Variants in EWSR1 observed in about 807,000 individuals in gnomAD.
EWSR1 encodes EWS RNA binding protein 1.
A neutral mutation model predicts 92.1 loss-of-function variants in EWSR1; 14 were observed. The ratio of observed to expected loss-of-function variants is 0.15; its 90% CI spans 0.10 to 0.24. The LOEUF (loss-of-function observed/expected upper bound fraction) is 0.24. Among genes scored for constraint, EWSR1 ranks in the 10% least tolerant of loss-of-function variants. EWSR1 has a pLI of 1.00. For missense variants in EWSR1, 637 were observed against 870.9 expected (o/e 0.73, Z 3.38); for synonymous variants, 303 against 292.9 (o/e 1.03, Z -0.35).
At chr22:29,273,606 T>G (rs2058861382) in intron 3 of EWSR1, 135 bp from the exon 4 acceptor site, 1 of 958,598 alleles carries the variant, frequency 1.0e-6, no homozygotes, top group Non-Finnish European at 1.5e-6. Context: ...TGTCTTGTTT[T>G]GTTGTTTTTG....
intron 11 of EWSR1, chr22:29,295,570 A>G (rs867468183): frequency 1.8e-5 from 4 of 223,494 alleles, no homozygotes; most frequent in Admixed American, 5.7e-5. Context: ...AGGTATCAAT[A>G]TATATATCCT....
chr22:29,297,938 C>G lies in EWSR1; in HGVS notation c.1406C>G (p.Pro469Arg). Reference protein sequence around the residue: ...PPREGRGMPPPLRGGPGGPGG... With the variant: ...PPREGRGMPPRLRGGPGGPGG... ...CGTGAGGGCAGAGGCATGCCACCAC[C>G]ACTCCGTGGAGGTACTTTTTCTGAG... The change falls in exon 13 of 17, where the codon CCA (proline) becomes CGA (arginine). Residue 469 changes from proline (P) to arginine (R), a missense_variant. Physicochemically the swap from Pro to Arg is moderately radical, Grantham distance 103. This residue lies in a region of EWSR1 where 363 missense variants were observed against 447.8 expected (regional missense o/e 0.81). Coordinates refer to ENST00000397938, the MANE Select transcript of EWSR1 (RefSeq NM_005243.4). 6.2e-7 allele frequency: 1 copy of G among 1,613,494 alleles called. No individual in the cohort carries two copies. The highest frequency in any genetic ancestry group is 1.7e-5 in the Admixed American group (1 of 59,862).
At chr22:29,275,914 CTTTTGTTTTTT>C (rs777358638) in intron 4 of EWSR1, 4 of 221,360 alleles carry the variant, frequency 1.8e-5, no homozygotes, top group Non-Finnish European at 3.5e-5. Context: ...TGCCACTGGT[CTTTTGTTTTTT>C]TGTTTTTTTG....
chr22:29,290,356 A>G (rs997827184), intron 8 of EWSR1: 6 of 1,539,886 alleles, frequency 3.9e-6, no homozygotes, highest in Non-Finnish European at 5.3e-6. Context: ...TGATATTTTC[A>G]TTGGCTGTTA....
intron 1 of EWSR1, among the ~76,000 whole-genome samples, chr22:29,271,930 G>C (rs2058710372): frequency 1.3e-5 from 2 of 152,316 alleles, no homozygotes; most frequent in South Asian, 4.1e-4. Flanking sequence ...AATGACAGTT[G>C]GGATTGGGAT....
Position 29,297,923 on chromosome 22 carries a change from G to A in EWSR1, c.1391G>A (p.Arg464Lys). The change falls in exon 13 of 17, where the codon AGA becomes AAA. Residue 464 changes from arginine to lysine, a missense_variant. Around this residue, in one of 5 missense-constraint regions of EWSR1, gnomAD observed 363 missense variants for 447.8 expected, o/e 0.81. Coordinates refer to ENST00000397938, the MANE Select transcript of EWSR1 (RefSeq NM_005243.4). ...MRGGLPPREG[R>K]GMPPPLRGGP... ...GGTGGTCTGCCACCCCGTGAGGGCA[G>A]AGGCATGCCACCACCACTCCGTGGA... is the stretch of plus-strand genomic sequence containing the variant. 6.2e-7 allele frequency: 1 copy of A among 1,613,988 alleles called. No homozygotes were observed. Among genetic ancestry groups the A allele is most frequent in the Non-Finnish European group, 8.5e-7 (1 of 1,179,966 alleles).
intron 5 of EWSR1, among the ~76,000 whole-genome samples, chr22:29,280,871 T>TG (rs2059533255): frequency 3.2e-5 from 3 of 94,536 alleles, no homozygotes; most frequent in African/African-American, 7.8e-5. Context: ...TGTTTTTTTT[T>TG]TTTTTTTTTT....
intron 7 of EWSR1, among the ~76,000 whole-genome samples, chr22:29,287,935 GGGAGGCCAAGGCA>G (rs1198173409): frequency 6.6e-6 from 1 of 152,148 alleles, no homozygotes; most frequent in Non-Finnish European, 1.5e-5. Flanking sequence ...AGCACTTTGG[GGGAGGCCAAGGCA>G]GGAGGATCAC....
intron 12 of EWSR1, 143 bp downstream of exon 12, chr22:29,296,511 C>G: frequency 1.2e-6 from 1 of 825,756 alleles, no homozygotes. Context: ...GTAGTAGTAG[C>G]ACCCAGCCAT....
intron 12 of EWSR1, among the ~76,000 whole-genome samples, chr22:29,297,524 T>C (rs2060959068): frequency 6.6e-6 from 1 of 152,160 alleles, no homozygotes; most frequent in African/African-American, 2.4e-5. Context: ...AGACACTGCC[T>C]CTACAAACAA....
intron 1 of EWSR1, chr22:29,269,171 A>G (rs1035266322): frequency 6.6e-6 from 1 of 152,214 alleles, no homozygotes; most frequent in African/African-American, 2.4e-5. Flanking sequence ...ACGCTACCAG[A>G]AAGATATTTC....
intron 7 of EWSR1, 140 bp downstream of exon 7, chr22:29,287,274 T>TG (rs2060116822): frequency 1.2e-6 from 1 of 813,138 alleles, no homozygotes; most frequent in African/African-American, 1.7e-5. Flanking sequence ...AGTGGTGCCA[T>TG]CTCAGCTCAC....
chr22:29,278,264 G>A, intron 5 of EWSR1, 48 bp downstream of exon 5: 1 of 1,560,020 alleles, frequency 6.4e-7, no homozygotes, highest in Non-Finnish European at 8.7e-7. Flanking sequence ...TGGAGGGAAA[G>A]AAAGCAACTG....
At position 29,281,873 on chromosome 22, in the gene EWSR1, T is replaced by C. The variant is rs527955286; in HGVS notation, c.414-517T>C. Among the ~76,000 whole-genome samples the C allele has an allele frequency of 2.6e-5, 4 of 152,310 alleles. No homozygotes were observed. In the South Asian group the frequency reaches 6.2e-4, roughly 24 times the overall value. On this transcript the variant is annotated intron_variant, in intron 5 of 16. Coordinates refer to ENST00000397938, the MANE Select transcript of EWSR1 (RefSeq NM_005243.4). ...GTGCTGGGATTATAGGCATGAGCCA[T>C]TCTCGCCTGGCCTTGACCTGGTCTG...
chr22:29,273,707 A>G (rs2058874368), intron 3 of EWSR1, 34 bp from the exon 4 acceptor site: 2 of 1,598,908 alleles, frequency 1.3e-6, no homozygotes, highest in African/African-American at 1.3e-5. Flanking sequence ...AAGTTCATGT[A>G]TGAAGTTCTT....
intron 1 of EWSR1, among the ~76,000 whole-genome samples, chr22:29,270,886 A>T (rs2058624685): frequency 6.6e-6 from 1 of 152,146 alleles, no homozygotes. Flanking sequence ...TGAACAGATT[A>T]TTTTTTTCAT....
At chr22:29,287,255 C>CT in intron 7 of EWSR1, 121 bp downstream of exon 7, 1 of 983,840 alleles carries the variant, frequency 1.0e-6, no homozygotes, top group Non-Finnish European at 1.5e-6. Flanking sequence ...GGGGCTGAGG[C>CT]TGGAGTACAG....
At chr22:29,276,840 C>T (rs997803737) in intron 4 of EWSR1, 3 of 230,902 alleles carry the variant, frequency 1.3e-5, no homozygotes, top group South Asian at 1.8e-4. Context: ...TTTGTAGAGG[C>T]GAGGTCTCAC....
Position 29,296,254 on chromosome 22 carries a change from G to T in EWSR1, c.1180G>T (p.Gly394Trp). 3 of 1,613,996 alleles carry T rather than the reference G, an allele frequency of 1.9e-6. No homozygotes were observed. The highest frequency in any genetic ancestry group is 2.5e-6 in the Non-Finnish European group (3 of 1,179,968). ...CTTTGTCTAGATGAACAAGAGAACT[G>T]GGCAACCCATGATCCACATCTACCT... Reference protein sequence around the residue: ...CGVVKMNKRTGQPMIHIYLDK... With the variant: ...CGVVKMNKRTWQPMIHIYLDK... The change falls in exon 12 of 17, where the codon GGG (glycine) becomes TGG (tryptophan). Residue 394 changes from glycine (G) to tryptophan (W), a missense_variant. This residue lies in a region of EWSR1 where 363 missense variants were observed against 447.8 expected (regional missense o/e 0.81). Transcript: ENST00000397938.
Sources: gnomAD v4.1 joint callset for allele counts (sites outside exome capture counted in the v4.1 genomes callset) on GRCh38, gnomAD v4.1.1 for gene constraint, gnomAD v4.1.1 regional missense constraint, MANE v1.5 for transcripts, NCBI Gene and HGNC (gene_info 2026-07-23, HGNC 2026-07-21) for gene names.